WASF2: variants seen among roughly 807,000 people sequenced by gnomAD.
WASF2 encodes the protein actin-binding protein WASF2.
In WASF2, 14 loss-of-function variants were observed where a neutral mutation model predicts 45.0. The ratio of observed to expected loss-of-function variants is 0.31; its 90% CI spans 0.21 to 0.49. The LOEUF is 0.49. Ranked by LOEUF, WASF2 falls within the 20% of genes least tolerant of loss-of-function variation. WASF2 has a pLI of 0.99. For synonymous variants in WASF2, 200 were observed against 236.3 expected, an observed-to-expected ratio of 0.85 and a Z score of 1.41; for missense variants, 439 against 636.1, an observed-to-expected ratio of 0.69 and a Z score of 3.33.
At chr1:27,431,444 C>G (rs141742200) in intron 1 of WASF2, among the ~76,000 whole-genome samples, 2 of 152,288 alleles carry the variant, frequency 1.3e-5, no homozygotes, top group East Asian at 3.9e-4. Flanking sequence ...GCTCTGAACA[C>G]CATCCTCTAG....
intron 1 of WASF2, among the ~76,000 whole-genome samples, chr1:27,455,849 T>C (rs1057435037): frequency 2.0e-5 from 3 of 152,170 alleles, no homozygotes; most frequent in African/African-American, 7.2e-5. Context: ...TACTTTATTA[T>C]AGAATCCATC....
rs925538527 is a variant in WASF2 at position 27,458,516 on chromosome 1, G to C, written c.-43-29583C>G. ...ATTTTTAAAAATTAAGTAAAAATTAGGTCGGGGGCAGTGGCTCACTGTAAT... is the reference window on the plus strand; with the variant it reads ...ATTTTTAAAAATTAAGTAAAAATTACGTCGGGGGCAGTGGCTCACTGTAAT... On this transcript the variant is annotated intron_variant, in intron 1 of 8. Transcript: ENST00000618852. Among the ~76,000 whole-genome samples the C allele has an allele frequency of 3.3e-5, 5 of 152,046 alleles. No individual in the cohort carries two copies. The East Asian group carries it at 5.8e-4, about 18-fold the overall frequency.
At chr1:27,468,964 CA>C (rs1449819455) in intron 1 of WASF2, among the ~76,000 whole-genome samples, 19 of 149,534 alleles carry the variant, frequency 1.3e-4, no homozygotes, top group African/African-American at 4.4e-4. Context: ...CTATGTAAAC[CA>C]AATCAATGTA....
rs748305218 is a variant in WASF2 at position 27,410,026 on chromosome 1, T to C, written c.1005A>G (p.Pro335=). The C allele has an allele frequency of 1.7e-5, 28 of 1,611,854 alleles. No homozygotes were observed. Among genetic ancestry groups the C allele is most frequent in the Middle Eastern group, 1.7e-4 (1 of 6,020 alleles). The change falls in exon 8 of 9, where the codon CCA becomes CCG. Residue 335 remains proline, a synonymous_variant. Coordinates refer to ENST00000618852, the MANE Select transcript of WASF2 (RefSeq NM_006990.5). This position sits in a 1 kb window ranked among gnomAD's most constrained non-coding sequence, Gnocchi z 4.2. ...GAGACCCAAATCCTACAGGCGGTGG[T>C]GGAGGTGGGATGCCTATCATTGGAG... The part of the protein sequence containing the change: ...PPPPMIGIPP[P]PPPVGFGSPG...
chr1:27,469,331 T>C (rs2017659328), intron 1 of WASF2, among the ~76,000 whole-genome samples: 1 of 152,200 alleles, frequency 6.6e-6, no homozygotes, highest in South Asian at 2.1e-4. Flanking sequence ...GTTTGAAATT[T>C]TCTATACTTT....
At chr1:27,419,974 G>T (rs762496792) in intron 2 of WASF2, among the ~76,000 whole-genome samples, 1 of 151,620 alleles carries the variant, frequency 6.6e-6, no homozygotes, top group African/African-American at 2.4e-5. Flanking sequence ...GCGTGATCTC[G>T]GCTCACTGCA....
At chr1:27,422,274 C>A (rs1202225755) in intron 2 of WASF2, among the ~76,000 whole-genome samples, 1 of 152,048 alleles carries the variant, frequency 6.6e-6, no homozygotes, top group Admixed American at 6.5e-5. Context: ...ACCTCAGGCC[C>A]GAGGCAGACT....
At chr1:27,484,736 C>T (rs1184865668) in intron 1 of WASF2, among the ~76,000 whole-genome samples, 2 of 148,694 alleles carry the variant, frequency 1.3e-5, no homozygotes. Flanking sequence ...GGCGTGAACT[C>T]GGGAGGCGGA....
At chr1:27,422,104 A>C (rs1256687557) in intron 2 of WASF2, among the ~76,000 whole-genome samples, 1 of 151,950 alleles carries the variant, frequency 6.6e-6, no homozygotes, top group African/African-American at 2.4e-5. Context: ...CCTGCTCCTT[A>C]AGTGAAGGGG....
Position 27,407,934 on chromosome 1 carries a change from A to G in WASF2, c.*255T>C. On this transcript the variant is annotated 3_prime_UTR_variant, in exon 9 of 9. Coordinates refer to ENST00000618852, the MANE Select transcript of WASF2 (RefSeq NM_006990.5). ...TTTCTCCTTCCTTTCAATATGCAAC[A>G]GGCACTTGAAGGAAAGAGGGAACAT... 2.5e-6 allele frequency: 1 copy of G among 402,294 alleles called. No homozygotes were observed. Among genetic ancestry groups the G allele is most frequent in the Non-Finnish European group, 4.5e-6 (1 of 224,668 alleles). 24.9% of individuals were successfully genotyped at this position (402,294 alleles called of 1,614,324 possible).
At chr1:27,471,066 CG>C (rs2017680510) in intron 1 of WASF2, among the ~76,000 whole-genome samples, 1 of 151,958 alleles carries the variant, frequency 6.6e-6, no homozygotes, top group Admixed American at 6.6e-5. Context: ...GGCTGTGGGC[CG>C]GGCGCGGTGG....
rs1018975492 is a variant in WASF2, at chr1:27,418,492, C to T, written c.266-70G>A. ...TGAGCAAACACTGAGTCACACCAGT[C>T]GGAGAGGCCTCAGCTGCTGCACTTC... is the stretch of plus-strand genomic sequence containing the variant. On this transcript the variant is annotated intron_variant, in intron 3 of 8. Transcript: ENST00000618852. 38 of 1,596,606 alleles carry T rather than the reference C, an allele frequency of 2.4e-5. No homozygotes were observed. The East Asian group carries it at 4.7e-4, about 20-fold the overall frequency.
chr1:27,419,992 T>A (rs962111395), intron 2 of WASF2, among the ~76,000 whole-genome samples: 2 of 151,992 alleles, frequency 1.3e-5, no homozygotes, highest in African/African-American at 4.8e-5. Context: ...GCAACCTCCA[T>A]CTCCTGGGCT....
chr1:27,479,327 T>G (rs924150942), intron 1 of WASF2, among the ~76,000 whole-genome samples: 8 of 151,638 alleles, frequency 5.3e-5, no homozygotes, highest in Admixed American at 3.9e-4. Flanking sequence ...GGCTTACACC[T>G]GTAATCTTGG....
rs2016805651 is a variant in WASF2, at chr1:27,414,748, G to A, written c.668+85C>T. The A allele has an allele frequency of 5.2e-6, 8 of 1,542,300 alleles. No homozygotes were observed. The highest frequency in any genetic ancestry group is 6.1e-6 in the Non-Finnish European group (7 of 1,140,066). On this transcript the variant is annotated intron_variant, in intron 6 of 8. Coordinates refer to ENST00000618852, the MANE Select transcript of WASF2 (RefSeq NM_006990.5). The surrounding 1 kb of genome is among the most constrained non-coding windows in gnomAD (Gnocchi z 4.1). The stretch of plus-strand genomic sequence containing the variant: ...GCCACAGAGACAGACTTCAGGGGGT[G>A]TGAAAGGTGTCACACCAGAGCTGTC...
chr1:27,415,538 A>T (rs1033689412), intron 5 of WASF2, among the ~76,000 whole-genome samples: 1 of 152,104 alleles, frequency 6.6e-6, no homozygotes, highest in African/African-American at 2.4e-5. Flanking sequence ...CAAAACCTAC[A>T]TATATCCCCC....
chr1:27,458,521 G>C (rs2017503360), intron 1 of WASF2, among the ~76,000 whole-genome samples: 1 of 151,984 alleles, frequency 6.6e-6, no homozygotes, highest in Non-Finnish European at 1.5e-5. Flanking sequence ...AATTAGGTCG[G>C]GGGCAGTGGC....
intron 1 of WASF2, among the ~76,000 whole-genome samples, chr1:27,484,529 C>A (rs1018845545): frequency 7.2e-5 from 11 of 152,238 alleles, no homozygotes; most frequent in Admixed American, 3.9e-4. Flanking sequence ...TACTCTAGGC[C>A]GGGCGCGGTG....
chr1:27,444,202 C>G (rs2017283793), intron 1 of WASF2, among the ~76,000 whole-genome samples: 1 of 152,012 alleles, frequency 6.6e-6, no homozygotes, highest in South Asian at 2.1e-4. Context: ...ACCTCAGCCT[C>G]CAGAGTAGCT....
Sources: allele counts gnomAD v4.1 joint callset (sites outside exome capture counted in the v4.1 genomes callset), GRCh38; gene constraint gnomAD v4.1.1; non-coding constraint Gnocchi (gnomAD v3.1); transcripts MANE v1.5; gene names NCBI Gene and HGNC (gene_info 2026-07-23, HGNC 2026-07-21).